GPC6: variants seen among roughly 807,000 people sequenced by gnomAD.
The protein encoded by GPC6 is glypican-6.
A neutral mutation model predicts 55.2 loss-of-function variants in GPC6; 14 were observed. The observed-to-expected ratio is 0.25, with a 90% CI of 0.17 to 0.40. The LOEUF (loss-of-function observed/expected upper bound fraction) is 0.40, where lower values mean the gene tolerates loss of function less well. Ranked by LOEUF, GPC6 falls within the 10% of genes least tolerant of loss-of-function variation. The pLI, the probability that GPC6 is intolerant of heterozygous loss-of-function variation, is 1.00. For missense variants in GPC6, 641 were observed against 708.5 expected, an observed-to-expected ratio of 0.90 and a Z score of 1.08; for synonymous variants, 278 against 259.6, an observed-to-expected ratio of 1.07 and a Z score of -0.68.
intron 6 of GPC6, among the ~76,000 whole-genome samples, chr13:94,360,011 A>T (rs542287952): frequency 4.7e-4 from 72 of 152,298 alleles, no homozygotes; most frequent in African/African-American, 1.7e-3. Context: ...TTCTAATGCA[A>T]TGTTGTTAGA....
intron 2 of GPC6, among the ~76,000 whole-genome samples, chr13:93,655,003 A>ATTTTTTTTTTTTTTTT (rs3884231): frequency 2.5e-4 from 26 of 104,730 alleles, no homozygotes; most frequent in Middle Eastern, 5.7e-3. Flanking sequence ...TGCCCGGCTA[A>ATTTTTTTTTTTTTTTT]TTTTTTTTTT....
At chr13:93,784,267 T>TGGAG (rs1885752956) in intron 2 of GPC6, among the ~76,000 whole-genome samples, 1 of 152,206 alleles carries the variant, frequency 6.6e-6, no homozygotes, top group Non-Finnish European at 1.5e-5. Flanking sequence ...AGTATCTTCC[T>TGGAG]GGAGTCCAGC....
At chr13:93,715,219 A>G (rs779221923) in intron 2 of GPC6, among the ~76,000 whole-genome samples, 2 of 151,728 alleles carry the variant, frequency 1.3e-5, no homozygotes, top group African/African-American at 2.4e-5. Context: ...TTAGATGCCC[A>G]TCAACGGTAG....
intron 2 of GPC6, among the ~76,000 whole-genome samples, chr13:93,577,713 G>T (rs1311405997): frequency 1.3e-5 from 2 of 151,888 alleles, no homozygotes; most frequent in African/African-American, 4.8e-5. Context: ...TCTTTCTCTT[G>T]CCTAATTGCT....
intron 1 of GPC6, among the ~76,000 whole-genome samples, chr13:93,409,178 G>C (rs1253360252): frequency 6.6e-6 from 1 of 151,396 alleles, no homozygotes; most frequent in Non-Finnish European, 1.5e-5. Flanking sequence ...ATGCACCCTA[G>C]TGTAATCTAG....
intron 2 of GPC6, among the ~76,000 whole-genome samples, chr13:93,769,700 G>T (rs1027675372): frequency 6.6e-6 from 1 of 152,164 alleles, no homozygotes; most frequent in South Asian, 2.1e-4. Flanking sequence ...GGGTGGCTTG[G>T]CACCTCAACC....
At chr13:93,420,850 A>G (rs1323243501) in intron 1 of GPC6, among the ~76,000 whole-genome samples, 1 of 152,084 alleles carries the variant, frequency 6.6e-6, no homozygotes, top group Non-Finnish European at 1.5e-5. Context: ...AGTTTTGACT[A>G]GTAGGAGGTT....
At chr13:93,852,889 A>G (rs1486738688) in intron 3 of GPC6, among the ~76,000 whole-genome samples, 1 of 151,596 alleles carries the variant, frequency 6.6e-6, no homozygotes, top group Non-Finnish European at 1.5e-5. Flanking sequence ...TTTTGTGCTT[A>G]TTAAAGTTTA....
At chr13:94,227,135 T>C (rs898947064) in intron 4 of GPC6, among the ~76,000 whole-genome samples, 2 of 152,216 alleles carry the variant, frequency 1.3e-5, no homozygotes, top group Non-Finnish European at 2.9e-5. Flanking sequence ...ACATTATTCA[T>C]ACATTATCTC....
chr13:94,281,838 G>A (rs548982091), intron 4 of GPC6, among the ~76,000 whole-genome samples: 1 of 152,302 alleles, frequency 6.6e-6, no homozygotes, highest in East Asian at 1.9e-4. Flanking sequence ...GCTAGCTGGT[G>A]TGCCTTTGGT....
intron 1 of GPC6, among the ~76,000 whole-genome samples, chr13:93,514,506 G>A (rs1881109610): frequency 6.6e-6 from 1 of 152,156 alleles, no homozygotes; most frequent in Non-Finnish European, 1.5e-5. Context: ...AGGCTGTATT[G>A]TAAATACACA....
intron 2 of GPC6, among the ~76,000 whole-genome samples, chr13:93,710,272 A>C (rs1028218730): frequency 6.6e-6 from 1 of 151,886 alleles, no homozygotes; most frequent in African/African-American, 2.4e-5. Context: ...AGTGAACTCC[A>C]CAGAGGATTA....
chr13:93,632,869 T>G (rs1332091946), intron 2 of GPC6, among the ~76,000 whole-genome samples: 1 of 152,010 alleles, frequency 6.6e-6, no homozygotes, highest in Non-Finnish European at 1.5e-5. Flanking sequence ...AAAGGGCTAT[T>G]TATAAAAATA....
intron 2 of GPC6, among the ~76,000 whole-genome samples, chr13:93,591,418 C>T (rs1877474458): frequency 6.7e-6 from 1 of 149,094 alleles, no homozygotes; most frequent in Non-Finnish European, 1.5e-5. Context: ...GAATCGAGAT[C>T]GCGCCACTGC....
intron 3 of GPC6, among the ~76,000 whole-genome samples, chr13:93,975,589 GT>G (rs542481812): frequency 6.6e-6 from 1 of 152,104 alleles, no homozygotes; most frequent in Non-Finnish European, 1.5e-5. Context: ...AAATAAATGA[GT>G]TTTTTATTGA....
chr13:93,992,150 G>A (rs1031968804), intron 3 of GPC6, among the ~76,000 whole-genome samples: 3 of 150,646 alleles, frequency 2.0e-5, no homozygotes, highest in East Asian at 2.0e-4. Context: ...ATATGTAAAT[G>A]TATTTTTAGT....
intron 6 of GPC6, among the ~76,000 whole-genome samples, chr13:94,322,381 C>T (rs1196707119): frequency 6.6e-6 from 1 of 152,176 alleles, no homozygotes; most frequent in Non-Finnish European, 1.5e-5. Flanking sequence ...CAGACGACTA[C>T]ACCTACCCAG....
chr13:94,076,355 T>C (rs1160922232), intron 4 of GPC6, among the ~76,000 whole-genome samples: 4 of 151,952 alleles, frequency 2.6e-5, no homozygotes, highest in African/African-American at 7.2e-5. Flanking sequence ...CTTATATACA[T>C]TGGATATTAT....
At chr13:93,633,054 CT>C (rs1362460097) in intron 2 of GPC6, among the ~76,000 whole-genome samples, 4 of 152,034 alleles carry the variant, frequency 2.6e-5, no homozygotes, top group African/African-American at 9.7e-5. Context: ...ATTTATTTTC[CT>C]TTTCCAATTT....
Sources: gnomAD v4.1 joint callset for allele counts (sites outside exome capture counted in the v4.1 genomes callset) on GRCh38, gnomAD v4.1.1 for gene constraint, MANE v1.5 for transcripts, NCBI Gene and HGNC (gene_info 2026-07-23, HGNC 2026-07-21) for gene names.